The following ARHGAP20 variants were observed in gnomAD, a reference collection of about 807,000 sequenced individuals.
ARHGAP20 encodes the protein rho GTPase-activating protein 20.
A neutral mutation model predicts 73.7 loss-of-function variants in ARHGAP20; 34 were observed. That is an observed-to-expected ratio of 0.46 (90% CI 0.35 to 0.61). The LOEUF (loss-of-function observed/expected upper bound fraction) is 0.61, where lower values mean the gene tolerates loss of function less well. Among genes scored for constraint, ARHGAP20 ranks in the 20% least tolerant of loss-of-function variants. ARHGAP20 has a pLI of 0.00. For synonymous variants in ARHGAP20, 523 were observed against 518.2 expected, an observed-to-expected ratio of 1.01 and a Z score of -0.13; for missense variants, 1,314 against 1,420.9, an observed-to-expected ratio of 0.92 and a Z score of 1.21.
At chr11:110,687,737 A>T (rs1337993514) in intron 2 of ARHGAP20, among the ~76,000 whole-genome samples, 1 of 152,214 alleles carries the variant, frequency 6.6e-6, no homozygotes, top group Non-Finnish European at 1.5e-5. Context: ...TCTAACGGTA[A>T]CATAAAGAAA....
intron 4 of ARHGAP20, among the ~76,000 whole-genome samples, chr11:110,620,888 A>G (rs952279826): frequency 1.3e-4 from 19 of 151,772 alleles, no homozygotes; most frequent in Admixed American, 1.2e-3. Context: ...TCTGGCCAAC[A>G]TGGGGAAACC....
rs939233997 is a variant in ARHGAP20, at chr11:110,665,225, G to T, written c.188+25322C>A. Reference sequence around the variant, plus strand: ...AGCTAAAACAGTGTTTTAAAAAGTTGAGACTTTTTAGACATATTAGAAAAC... The same window carrying T: ...AGCTAAAACAGTGTTTTAAAAAGTTTAGACTTTTTAGACATATTAGAAAAC... On this transcript the variant is annotated intron_variant, in intron 2 of 14. Transcript: ENST00000683387. Among the ~76,000 whole-genome samples the T allele has an allele frequency of 3.3e-5, 5 of 152,172 alleles. No homozygotes were observed. The South Asian group carries it at 1.0e-3, about 32-fold the overall frequency.
chr11:110,608,423 T>C (rs542063967), intron 8 of ARHGAP20, among the ~76,000 whole-genome samples: 1 of 152,264 alleles, frequency 6.6e-6, no homozygotes, highest in South Asian at 2.1e-4. Flanking sequence ...AAAATCTGAC[T>C]AGAGAAATAG....
In ARHGAP20 at chr11:110,660,825, C is replaced by T. The variant is rs545112715; in HGVS notation, c.188+29722G>A. On this transcript the variant is annotated intron_variant, in intron 2 of 14. Transcript: ENST00000683387. ...ACTCTCTTATTTTTAAGGCCAAATACGAGAAAAAAATTGGGGCTAGAATAA... is the reference window on the plus strand; with the variant it reads ...ACTCTCTTATTTTTAAGGCCAAATATGAGAAAAAAATTGGGGCTAGAATAA... Among the ~76,000 whole-genome samples the T allele has an allele frequency of 2.2e-4, 34 of 151,746 alleles. 1 individual carries two copies. The highest frequency in any genetic ancestry group is 6.3e-4 in the African/African-American group (26 of 41,370).
intron 1 of ARHGAP20, among the ~76,000 whole-genome samples, chr11:110,694,427 T>C (rs958180164): frequency 6.0e-5 from 9 of 151,040 alleles, no homozygotes; most frequent in African/African-American, 1.7e-4. Context: ...TATTCAGTAT[T>C]GTAGGTCAAA....
intron 3 of ARHGAP20, among the ~76,000 whole-genome samples, chr11:110,625,442 A>G (rs1207316046): frequency 6.6e-6 from 1 of 152,228 alleles, no homozygotes; most frequent in Non-Finnish European, 1.5e-5. Flanking sequence ...TGAAGTGGCT[A>G]CAAGATTTTC....
intron 4 of ARHGAP20, among the ~76,000 whole-genome samples, chr11:110,616,293 C>T (rs1051451770): frequency 2.0e-5 from 3 of 152,078 alleles, no homozygotes; most frequent in East Asian, 1.9e-4. Flanking sequence ...TTCACTATTA[C>T]GTTTAATTCT....
At chr11:110,643,994 A>T (rs1949130487) in intron 2 of ARHGAP20, among the ~76,000 whole-genome samples, 1 of 152,092 alleles carries the variant, frequency 6.6e-6, no homozygotes, top group African/African-American at 2.4e-5. Flanking sequence ...ACCCTTTATC[A>T]TTATAGCATT....
chr11:110,642,667 T>C (rs1431016836), intron 2 of ARHGAP20, among the ~76,000 whole-genome samples: 1 of 152,170 alleles, frequency 6.6e-6, no homozygotes, highest in Non-Finnish European at 1.5e-5. Flanking sequence ...CTTTTTGATT[T>C]GCTGTTGGAT....
At chr11:110,666,234 C>A (rs921953746) in intron 2 of ARHGAP20, among the ~76,000 whole-genome samples, 10 of 152,070 alleles carry the variant, frequency 6.6e-5, no homozygotes, top group Admixed American at 3.9e-4. Context: ...TGAAGAGATA[C>A]CATGTTCATG....
intron 8 of ARHGAP20, among the ~76,000 whole-genome samples, chr11:110,608,417 T>G (rs973745598): frequency 6.6e-6 from 1 of 152,102 alleles, no homozygotes; most frequent in African/African-American, 2.4e-5. Flanking sequence ...TGCTGGAAAA[T>G]CTGACTAGAG....
chr11:110,577,437 C>G lies in ARHGAP20; in HGVS notation c.*1933G>C. ...TCAGCAACTATTTTCTTCTATGCTT[C>G]AAATTGGGTGAATGATTTTTTACCT... On this transcript the variant is annotated 3_prime_UTR_variant, in exon 15 of 15. Transcript: ENST00000683387. 9.3e-7 allele frequency: 1 copy of G among 1,072,654 alleles called. No homozygotes were observed. The highest frequency in any genetic ancestry group is 5.8e-5 in the East Asian group (1 of 17,336). The allele number at this position is 1,072,654 out of a possible 1,614,324, so 66.4% of individuals were successfully genotyped here. A position where few individuals can be genotyped will look rare whatever the true frequency, so the allele number is the denominator to read the frequency against.
rs1355508363 is a variant in ARHGAP20 at position 110,582,351 on chromosome 11, C to T, written c.1690G>A (p.Val564Met). 6.2e-7 allele frequency: 1 copy of T among 1,613,252 alleles called. No homozygotes were observed. Among genetic ancestry groups the T allele is most frequent in the African/African-American group, 1.3e-5 (1 of 74,930 alleles). ...EITSLFREVS[V>M]RCDTRENASD... ...GCATTCTCTCTAGTGTCACATCTCA[C>T]TGAAACCTCTCTGAAGAGGGAAGTG... Residue 564 changes from valine to methionine, a missense_variant, in exon 14 of 15, where the codon GTG (valine) becomes ATG (methionine). Coordinates refer to ENST00000683387, the MANE Select transcript of ARHGAP20 (RefSeq NM_001384657.1).
At chr11:110,594,833 CAA>C (rs36191629) in intron 9 of ARHGAP20, among the ~76,000 whole-genome samples, 329 of 145,946 alleles carry the variant, frequency 2.3e-3, no homozygotes, top group African/African-American at 6.8e-3. Flanking sequence ...AGAGACACAA[CAA>C]AAAAAAAAAG....
Position 110,577,619 on chromosome 11 carries a change from A to G in ARHGAP20, c.*1751T>C. 1 of 986,194 alleles carries G rather than the reference A, an allele frequency of 1.0e-6. No homozygotes were observed. Among genetic ancestry groups the G allele is most frequent in the Non-Finnish European group, 1.2e-6 (1 of 830,154 alleles). The allele number at this position is 986,194 out of a possible 1,614,324, so 61.1% of individuals were successfully genotyped here. On this transcript the variant is annotated 3_prime_UTR_variant, in exon 15 of 15. Transcript: ENST00000683387. ...TTATATATTATACCAAAAAAGATGCATATGGACACTTAGAAGTCTTAATAT... is the reference window on the plus strand; with the variant it reads ...TTATATATTATACCAAAAAAGATGCGTATGGACACTTAGAAGTCTTAATAT...
chr11:110,647,252 A>C (rs747645938), intron 2 of ARHGAP20, among the ~76,000 whole-genome samples: 4 of 152,106 alleles, frequency 2.6e-5, no homozygotes, highest in Non-Finnish European at 5.9e-5. Context: ...TTAGATATCG[A>C]AATGGGGATT....
chr11:110,595,342 G>A (rs1211058104), intron 9 of ARHGAP20, among the ~76,000 whole-genome samples: 1 of 152,156 alleles, frequency 6.6e-6, no homozygotes, highest in African/African-American at 2.4e-5. Flanking sequence ...AGGAAAAGAG[G>A]AAGTCAAATT....
chr11:110,651,231 A>G (rs1327805669), intron 2 of ARHGAP20, among the ~76,000 whole-genome samples: 2 of 152,186 alleles, frequency 1.3e-5, no homozygotes, highest in African/African-American at 4.8e-5. Flanking sequence ...GGATGCAGCT[A>G]AAGCAGTGAT....
chr11:110,641,606 G>C (rs1376920896), intron 2 of ARHGAP20, among the ~76,000 whole-genome samples: 1 of 152,006 alleles, frequency 6.6e-6, no homozygotes, highest in East Asian at 1.9e-4. Flanking sequence ...GCTTCATTTT[G>C]TTTTCTTCCC....
Sources: allele counts gnomAD v4.1 joint callset (sites outside exome capture counted in the v4.1 genomes callset), GRCh38; gene constraint gnomAD v4.1.1; transcripts MANE v1.5; gene names NCBI Gene and HGNC (gene_info 2026-07-23, HGNC 2026-07-21).